MIPOL1: variants seen among roughly 807,000 people sequenced by gnomAD.
MIPOL1 encodes mirror-image polydactyly 1.
In MIPOL1, 57 loss-of-function variants were observed where a neutral mutation model predicts 60.9. The observed-to-expected ratio is 0.94, with a 90% confidence interval of 0.76 to 1.17. The LOEUF (loss-of-function observed/expected upper bound fraction) is 1.17. Ranked by LOEUF, MIPOL1 falls within the 50% of genes most tolerant of loss-of-function variation. The pLI, the probability that MIPOL1 is intolerant of heterozygous loss-of-function variation, is 0.00. For missense variants in MIPOL1, 551 were observed against 511.6 expected (o/e 1.08, Z -0.74); for synonymous variants, 179 against 168.8 (o/e 1.06, Z -0.47).
intron 11 of MIPOL1, among the ~76,000 whole-genome samples, chr14:37,464,275 G>T (rs1467967978): frequency 1.3e-5 from 2 of 152,060 alleles, no homozygotes; most frequent in African/African-American, 2.4e-5. Flanking sequence ...CAAAGAAAAA[G>T]ACACCTGCAC....
intron 11 of MIPOL1, among the ~76,000 whole-genome samples, chr14:37,492,162 G>A (rs971173806): frequency 6.6e-6 from 1 of 152,140 alleles, no homozygotes; most frequent in Non-Finnish European, 1.5e-5. Flanking sequence ...TCTTGAAAGG[G>A]TCTTAGCAAA....
At chr14:37,247,637 AG>A (rs1973390952) in intron 2 of MIPOL1, among the ~76,000 whole-genome samples, 191 bp from the exon 3 acceptor site, 1 of 152,170 alleles carries the variant, frequency 6.6e-6, no homozygotes, top group Admixed American at 6.6e-5. Flanking sequence ...CTAAAATACA[AG>A]TGTGAAGAAA....
At chr14:37,499,180 G>T (rs1006780446) in intron 11 of MIPOL1, among the ~76,000 whole-genome samples, 1 of 152,024 alleles carries the variant, frequency 6.6e-6, no homozygotes, top group Non-Finnish European at 1.5e-5. Flanking sequence ...AACCTCAGGT[G>T]GTAGGTGTAA....
At chr14:37,268,516 T>C in intron 4 of MIPOL1, 142 bp from the exon 5 acceptor site, 2 of 604,180 alleles carry the variant, frequency 3.3e-6, no homozygotes, top group Non-Finnish European at 5.6e-6. Flanking sequence ...ATATAAGGCC[T>C]TCAAAAAAAC....
intron 9 of MIPOL1, among the ~76,000 whole-genome samples, chr14:37,353,979 G>T (rs1456422568): frequency 1.3e-5 from 2 of 151,662 alleles, no homozygotes; most frequent in Non-Finnish European, 2.9e-5. Context: ...TGCTTTTCTG[G>T]TTTTTTTAAT....
intron 12 of MIPOL1, chr14:37,503,443 C>A (rs79575971): frequency 6.6e-6 from 1 of 152,062 alleles, no homozygotes; most frequent in African/African-American, 2.4e-5. Flanking sequence ...AGAGTAGGGG[C>A]CAATATTCAA....
At chr14:37,298,704 T>A (rs947906393) in intron 7 of MIPOL1, among the ~76,000 whole-genome samples, 1 of 152,024 alleles carries the variant, frequency 6.6e-6, no homozygotes, top group African/African-American at 2.4e-5. Context: ...AAAATGCTCA[T>A]CATCACTGGC....
At chr14:37,212,209 G>A (rs1966861675) in intron 1 of MIPOL1, 7 of 152,148 alleles carry the variant, frequency 4.6e-5, no homozygotes, top group Admixed American at 4.6e-4. Flanking sequence ...TAAAGAGGAT[G>A]GACTTTGTTT....
At chr14:37,534,442 C>T (rs539640823) in intron 12 of MIPOL1, among the ~76,000 whole-genome samples, 1 of 152,246 alleles carries the variant, frequency 6.6e-6, no homozygotes, top group South Asian at 2.1e-4. Flanking sequence ...AATTTCAACC[C>T]ATTACTTTAG....
At position 37,295,931 on chromosome 14, in the gene MIPOL1, A is replaced by G. The variant is rs554371271; in HGVS notation, c.623+10484A>G. On this transcript the variant is annotated intron_variant, in intron 7 of 12. Coordinates refer to ENST00000684589, the MANE Select transcript of MIPOL1 (RefSeq NM_001388067.1). ...GTTAACAAGGATATCCAGGAATTGA[A>G]CTCAGCTCTGCACCAAGCAGACCTA... Among the ~76,000 whole-genome samples the G allele has an allele frequency of 2.1e-3, 324 of 152,280 alleles. 1 individual carries two copies. The highest frequency in any genetic ancestry group is 0.014 in the Middle Eastern group (4 of 294).
chr14:37,347,487 A>G (rs576502780), intron 9 of MIPOL1, among the ~76,000 whole-genome samples: 2 of 152,226 alleles, frequency 1.3e-5, no homozygotes, highest in Admixed American at 1.3e-4. Flanking sequence ...TAAATTAAAA[A>G]TGAGTTGTAG....
At chr14:37,328,043 G>A (rs1034968843) in intron 9 of MIPOL1, among the ~76,000 whole-genome samples, 10 of 151,484 alleles carry the variant, frequency 6.6e-5, no homozygotes, top group African/African-American at 2.2e-4. Context: ...ACAGAGTTTC[G>A]CTCTTGTTGC....
chr14:37,361,038 C>G (rs2092203847), intron 9 of MIPOL1, among the ~76,000 whole-genome samples: 1 of 152,176 alleles, frequency 6.6e-6, no homozygotes, highest in Admixed American at 6.5e-5. Flanking sequence ...TCACTGGTTT[C>G]AAAGAACATC....
At position 37,549,391 on chromosome 14, in the gene MIPOL1, T is replaced by A. The variant is rs2095556081; in HGVS notation, c.*2420T>A. The A allele has an allele frequency of 6.6e-6, 1 of 151,648 alleles. No homozygotes were observed. The highest frequency in any genetic ancestry group is 1.5e-5 in the Non-Finnish European group (1 of 67,732). 9.4% of individuals were successfully genotyped at this position (151,648 alleles called of 1,614,324 possible). ...ATCCTATCGACAATCATAATAATAATAAATTATATATATAACCCATATAAT... is the reference window on the plus strand; with the variant it reads ...ATCCTATCGACAATCATAATAATAAAAAATTATATATATAACCCATATAAT... On this transcript the variant is annotated 3_prime_UTR_variant, in exon 13 of 13. Transcript: ENST00000684589.
chr14:37,378,023 A>G (rs1379880213), intron 10 of MIPOL1, among the ~76,000 whole-genome samples: 3 of 152,118 alleles, frequency 2.0e-5, no homozygotes, highest in Non-Finnish European at 1.5e-5. Flanking sequence ...AATGGCTAAA[A>G]TGAAAAAATA....
At chr14:37,255,461 T>A (rs2153369098) in intron 3 of MIPOL1, among the ~76,000 whole-genome samples, 1 of 151,982 alleles carries the variant, frequency 6.6e-6, no homozygotes, top group South Asian at 2.1e-4. Context: ...TTTATGTACA[T>A]TTACTTAGTA....
chr14:37,267,328 A>C (rs1475276621), intron 4 of MIPOL1, among the ~76,000 whole-genome samples, 159 bp downstream of exon 4: 2 of 152,018 alleles, frequency 1.3e-5, no homozygotes, highest in Non-Finnish European at 2.9e-5. Context: ...TCTCTACTGA[A>C]AATACAAAAA....
chr14:37,522,937 A>C (rs1054677503), intron 12 of MIPOL1, among the ~76,000 whole-genome samples: 1 of 152,154 alleles, frequency 6.6e-6, no homozygotes, highest in East Asian at 1.9e-4. Flanking sequence ...GAACCCATTA[A>C]TACAATTTTT....
intron 11 of MIPOL1, among the ~76,000 whole-genome samples, chr14:37,469,122 T>G (rs548599910): frequency 1.3e-5 from 2 of 152,296 alleles, no homozygotes; most frequent in East Asian, 3.9e-4. Context: ...GGTTTATTAG[T>G]CCATTCTTGC....
Sources: allele counts gnomAD v4.1 joint callset (sites outside exome capture counted in the v4.1 genomes callset), GRCh38; gene constraint gnomAD v4.1.1; transcripts MANE v1.5; gene names NCBI Gene and HGNC (gene_info 2026-07-23, HGNC 2026-07-21).